Variants in GAS7 observed in about 807,000 individuals in gnomAD.
The protein encoded by GAS7 is growth arrest specific 7.
In GAS7, 28 loss-of-function variants were observed where a neutral mutation model predicts 71.1. The ratio of observed to expected loss-of-function variants is 0.39; its 90% CI spans 0.29 to 0.54. The LOEUF is 0.54. Among genes scored for constraint, GAS7 ranks in the 20% least tolerant of loss-of-function variants. The pLI is 0.62. For synonymous variants in GAS7, 258 were observed against 245.8 expected (o/e 1.05, Z -0.46); for missense variants, 436 against 627.8 (o/e 0.69, Z 3.27).
chr17:9,957,208 G>A lies in GAS7; in HGVS notation c.525+1994C>T, dbSNP rs372889812. Among the ~76,000 whole-genome samples the A allele has an allele frequency of 7.2e-5, 11 of 152,264 alleles. No individual in the cohort carries two copies. In the East Asian group the frequency reaches 9.6e-4, roughly 13 times the overall value. ...ATGCAGATTTTCCAGTCTGGCCCCA[G>A]AGAAAACAACTGAAGGTCTGGGGTG... On this transcript the variant is annotated intron_variant, in intron 5 of 13. Transcript: ENST00000432992.
Position 10,154,119 on chromosome 17 carries a change from TCTTGC to T in GAS7, c.183+44084_183+44088del, listed in dbSNP as rs532934341. ...AAGGAAAGTAAAAATATGCTGAGAC[TCTTGC>T]CTTTTTGGCAAATAGAATATAAATG... On this transcript the variant is annotated intron_variant, in intron 1 of 13. Transcript: ENST00000432992. Among the ~76,000 whole-genome samples, 12 of 152,298 alleles carry T rather than the reference TCTTGC, an allele frequency of 7.9e-5. No homozygotes were observed. In the East Asian group the frequency reaches 2.3e-3, roughly 29 times the overall value.
At chr17:10,190,151 T>C (rs2074487025) in intron 1 of GAS7, among the ~76,000 whole-genome samples, 1 of 152,188 alleles carries the variant, frequency 6.6e-6, no homozygotes, top group African/African-American at 2.4e-5. Context: ...CTCTCACTGC[T>C]TGTCACTGCC....
intron 1 of GAS7, among the ~76,000 whole-genome samples, chr17:10,137,921 T>A (rs946351154): frequency 3.9e-5 from 6 of 152,010 alleles, no homozygotes; most frequent in Non-Finnish European, 5.9e-5. Flanking sequence ...CAAGGTACAG[T>A]AAATAAGATC....
intron 1 of GAS7, among the ~76,000 whole-genome samples, chr17:10,059,108 G>T (rs544317886): frequency 2.0e-4 from 30 of 152,338 alleles, no homozygotes; most frequent in African/African-American, 7.0e-4. Flanking sequence ...CAGAAGACCA[G>T]TGTGGACCTG....
chr17:10,120,566 G>C (rs1209051398), intron 1 of GAS7, among the ~76,000 whole-genome samples: 2 of 152,152 alleles, frequency 1.3e-5, no homozygotes, highest in Non-Finnish European at 2.9e-5. Flanking sequence ...ACCAAAACTA[G>C]CTGGGTGTGG....
At chr17:9,920,044 TATC>T (rs984297840) in intron 11 of GAS7, among the ~76,000 whole-genome samples, 1 of 144,610 alleles carries the variant, frequency 6.9e-6, no homozygotes, top group African/African-American at 2.6e-5. Context: ...CCCCCAATCC[TATC>T]ATGAGCCCAA....
chr17:10,187,034 G>C (rs1567625582), intron 1 of GAS7, among the ~76,000 whole-genome samples: 2 of 152,204 alleles, frequency 1.3e-5, no homozygotes, highest in East Asian at 3.8e-4. Flanking sequence ...TGGTCAACAG[G>C]GCCATCTACA....
chr17:9,956,243 G>A (rs1477619178), intron 5 of GAS7, among the ~76,000 whole-genome samples: 1 of 152,176 alleles, frequency 6.6e-6, no homozygotes, highest in Admixed American at 6.5e-5. Flanking sequence ...AAGTCCAACA[G>A]GCTCTGAATT....
intron 1 of GAS7, among the ~76,000 whole-genome samples, chr17:10,081,888 C>T (rs2152251803): frequency 6.6e-6 from 1 of 152,274 alleles, no homozygotes; most frequent in Middle Eastern, 3.4e-3. Flanking sequence ...TTCTCAGACC[C>T]AGATATTTTC....
intron 1 of GAS7, among the ~76,000 whole-genome samples, chr17:10,126,204 G>A (rs1366975723): frequency 1.3e-5 from 2 of 152,222 alleles, no homozygotes; most frequent in African/African-American, 4.8e-5. Flanking sequence ...ACAGGAGAAA[G>A]TATTTGCTCT....
chr17:9,924,392 C>T (rs536311432), intron 11 of GAS7, among the ~76,000 whole-genome samples: 2 of 152,194 alleles, frequency 1.3e-5, no homozygotes, highest in East Asian at 1.9e-4. Context: ...AGGCTGGTCT[C>T]GAACTCCTGG....
At chr17:10,062,094 C>A (rs2073226459) in intron 1 of GAS7, among the ~76,000 whole-genome samples, 1 of 152,226 alleles carries the variant, frequency 6.6e-6, no homozygotes, top group South Asian at 2.1e-4. Context: ...GACCCAGGTG[C>A]ATGTCCACGG....
intron 9 of GAS7, among the ~76,000 whole-genome samples, chr17:9,927,980 G>A (rs1317116533): frequency 6.6e-6 from 1 of 152,110 alleles, no homozygotes; most frequent in Non-Finnish European, 1.5e-5. Context: ...GAAGAGCTGG[G>A]TGGCATCAGG....
Position 10,007,610 on chromosome 17 carries a change from A to G in GAS7, c.304+12167T>C, listed in dbSNP as rs541126688. On this transcript the variant is annotated intron_variant, in intron 2 of 13. Coordinates refer to ENST00000432992, the MANE Select transcript of GAS7 (RefSeq NM_201433.2). ...CACTGCACTCCAGCCTGGGAGACAC[A>G]GCAAGATTCTGTCTCAAAAAAAAAA... Among the ~76,000 whole-genome samples the G allele has an allele frequency of 9.1e-5, 13 of 143,394 alleles. 1 individual carries two copies. In the East Asian group the frequency reaches 2.7e-3, roughly 30 times the overall value. 94.1% of individuals were successfully genotyped at this position (143,394 alleles called of 152,430 possible).
intron 3 of GAS7, among the ~76,000 whole-genome samples, chr17:9,976,242 G>C (rs557848178): frequency 1.1e-4 from 16 of 152,342 alleles, no homozygotes; most frequent in African/African-American, 2.9e-4. Flanking sequence ...GGACATCAGA[G>C]GTTAAACAGG....
chr17:9,954,911 A>G (rs557030387), intron 5 of GAS7, among the ~76,000 whole-genome samples: 1 of 152,158 alleles, frequency 6.6e-6, no homozygotes, highest in Non-Finnish European at 1.5e-5. Context: ...GTGGCAGCAG[A>G]GGGGCATGGT....
Position 9,916,714 on chromosome 17 carries a change from A to G in GAS7, c.*514T>C, listed in dbSNP as rs1322850048. 2 of 375,576 alleles carry G rather than the reference A, an allele frequency of 5.3e-6. No individual in the cohort carries two copies. Among genetic ancestry groups the G allele is most frequent in the East Asian group, 7.6e-5 (2 of 26,280 alleles). 23.3% of individuals were successfully genotyped at this position (375,576 alleles called of 1,614,324 possible). ...GCCAGATGTGGACTCCCAGAATGCA[A>G]TGGGAAAAAAATAAAGAAGGAGGGC... On this transcript the variant is annotated 3_prime_UTR_variant, in exon 14 of 14. Transcript: ENST00000432992.
chr17:10,127,337 A>C (rs1355429483), intron 1 of GAS7, among the ~76,000 whole-genome samples: 1 of 152,160 alleles, frequency 6.6e-6, no homozygotes, highest in Non-Finnish European at 1.5e-5. Context: ...ACTTTTGCAC[A>C]GCCTGCTGTG....
intron 1 of GAS7, chr17:10,036,394 C>G (rs772799457): frequency 3.4e-6 from 5 of 1,489,992 alleles, no homozygotes; most frequent in Non-Finnish European, 4.7e-6. Flanking sequence ...GAAAAGCAAA[C>G]TGGAGCATAC....
Sources: allele counts gnomAD v4.1 joint callset (sites outside exome capture counted in the v4.1 genomes callset), GRCh38; gene constraint gnomAD v4.1.1; transcripts MANE v1.5; gene names NCBI Gene and HGNC (gene_info 2026-07-23, HGNC 2026-07-21).